The following RUFY3 variants were observed in gnomAD, a reference collection of about 807,000 sequenced individuals.
RUFY3 encodes the protein RUN and FYVE domain containing 3.
A neutral mutation model predicts 84.0 loss-of-function variants in RUFY3; 34 were observed. The ratio of observed to expected loss-of-function variants is 0.40; its 90% CI spans 0.31 to 0.54. RUFY3 has a LOEUF of 0.54. Ranked by LOEUF, RUFY3 falls within the 20% of genes least tolerant of loss-of-function variation. RUFY3 has a pLI of 0.39. For synonymous variants in RUFY3, 242 were observed against 252.9 expected (o/e 0.96, Z 0.41); for missense variants, 507 against 736.8 (o/e 0.69, Z 3.61).
chr4:70,713,275 A>G (rs1741194884), intron 1 of RUFY3, among the ~76,000 whole-genome samples: 2 of 152,178 alleles, frequency 1.3e-5, no homozygotes, highest in African/African-American at 4.8e-5. Flanking sequence ...CGCCCGCCCC[A>G]ACCTCCCAAA....
chr4:70,789,010 TA>T lies in RUFY3; in HGVS notation c.1239+41del, dbSNP rs1317864424. On this transcript the variant is annotated intron_variant, in intron 11 of 17. Coordinates refer to ENST00000381006, the MANE Select transcript of RUFY3 (RefSeq NM_001037442.4). ...ATGAGGAATAGACTCACTGGCTCTC[TA>T]AAATCCTGGGGCTTCCCTCCTCCCA... 5 of 1,599,156 alleles carry T rather than the reference TA, an allele frequency of 3.1e-6. No homozygotes were observed. In the Admixed American group the frequency reaches 8.4e-5, roughly 27 times the overall value.
chr4:70,791,729 G>A, intron 12 of RUFY3: 1 of 995,224 alleles, frequency 1.0e-6, no homozygotes, highest in Non-Finnish European at 1.2e-6. Flanking sequence ...TGAACCTAGA[G>A]GTAACTACCA....
intron 1 of RUFY3, among the ~76,000 whole-genome samples, chr4:70,716,113 CA>C (rs918121487): frequency 1.4e-3 from 187 of 136,738 alleles, no homozygotes; most frequent in Admixed American, 1.5e-3. Flanking sequence ...GACTCCATCT[CA>C]AAAAAAAAAA....
Position 70,793,713 on chromosome 4 carries a change from T to C in RUFY3, c.1338-72T>C, listed in dbSNP as rs1482302389. 3 of 1,610,900 alleles carry C rather than the reference T, an allele frequency of 1.9e-6. No individual in the cohort carries two copies. The Admixed American group carries it at 5.0e-5, about 27-fold the overall frequency. ...TTCTTCCTTGGGTTATTTTATTTTG[T>C]GTTGTGAACTTGGTCTTCTTCCCCA... is the stretch of plus-strand genomic sequence containing the variant. On this transcript the variant is annotated intron_variant, in intron 12 of 17. Coordinates refer to ENST00000381006, the MANE Select transcript of RUFY3 (RefSeq NM_001037442.4).
At chr4:70,775,412 C>A (rs1391747784) in intron 7 of RUFY3, among the ~76,000 whole-genome samples, 179 bp downstream of exon 7, 1 of 151,188 alleles carries the variant, frequency 6.6e-6, no homozygotes, top group African/African-American at 2.4e-5. Context: ...GTTTTGGTGA[C>A]CTTTAGTGAA....
chr4:70,788,161 C>T (rs553479824), intron 10 of RUFY3, among the ~76,000 whole-genome samples: 1 of 151,692 alleles, frequency 6.6e-6, no homozygotes, highest in South Asian at 2.1e-4. Flanking sequence ...GGCATGCACC[C>T]GTAGTCCCAG....
At chr4:70,758,152 CAG>C (rs1173121036) in intron 1 of RUFY3, among the ~76,000 whole-genome samples, 1 of 152,168 alleles carries the variant, frequency 6.6e-6, no homozygotes, top group Non-Finnish European at 1.5e-5. Flanking sequence ...TACCAACAAA[CAG>C]AAATTCACCT....
At chr4:70,741,813 T>A in intron 1 of RUFY3, 2 of 601,412 alleles carry the variant, frequency 3.3e-6, no homozygotes, top group Non-Finnish European at 5.1e-6. Flanking sequence ...GTGGAAATCT[T>A]AATGTTTTGG....
intron 1 of RUFY3, among the ~76,000 whole-genome samples, chr4:70,746,060 T>C (rs1041194205): frequency 2.7e-5 from 4 of 150,364 alleles, no homozygotes; most frequent in African/African-American, 9.8e-5. Context: ...AACAAAAAAA[T>C]TGGCGGGGCG....
intron 2 of RUFY3, among the ~76,000 whole-genome samples, 193 bp downstream of exon 2, chr4:70,762,885 A>G (rs1725267738): frequency 6.6e-6 from 1 of 152,206 alleles, no homozygotes; most frequent in South Asian, 2.1e-4. Flanking sequence ...AAAAATACAG[A>G]TCATTAAATG....
intron 1 of RUFY3, chr4:70,741,811 C>A (rs936140964): frequency 9.9e-6 from 6 of 608,650 alleles, no homozygotes; most frequent in African/African-American, 1.9e-5. Flanking sequence ...AAGTGGAAAT[C>A]TTAATGTTTT....
chr4:70,800,162 G>A lies in RUFY3; in HGVS notation c.1579G>A (p.Glu527Lys), dbSNP rs757329190. The A allele has an allele frequency of 8.7e-6, 14 of 1,607,258 alleles. No homozygotes were observed. The highest frequency in any genetic ancestry group is 1.2e-5 in the Non-Finnish European group (14 of 1,178,378). ...SKMDGKHKMQEENVKLKKPLE... is the reference protein window; with the variant it reads ...SKMDGKHKMQKENVKLKKPLE... Reference sequence around the variant, plus strand: ...GCAGGATGGGAAGCACAAAATGCAAGAGGAAAATGTTAAACTAAAAAAGCC... The same window carrying A: ...GCAGGATGGGAAGCACAAAATGCAAAAGGAAAATGTTAAACTAAAAAAGCC... Residue 527 changes from glutamate to lysine, a missense_variant, in exon 15 of 18, where the codon GAG becomes AAG. By Grantham distance (56) the Glu-to-Lys change is moderately conservative. Transcript: ENST00000381006.
At chr4:70,764,431 C>G (rs1328270294) in intron 3 of RUFY3, 44 bp from the exon 4 acceptor site, 2 of 1,321,488 alleles carry the variant, frequency 1.5e-6, no homozygotes, top group Non-Finnish European at 2.2e-6. Flanking sequence ...GCCTTTGCTT[C>G]TGGTGCTTAT....
Position 70,806,572 on chromosome 4 carries a change from G to A in RUFY3, c.1776G>A (p.Leu592=), listed in dbSNP as rs150714162. The A allele has an allele frequency of 4.5e-4, 728 of 1,614,158 alleles. 18 individuals are homozygous for A. The highest frequency in any genetic ancestry group is 3.9e-3 in the South Asian group (356 of 91,088). The change falls in exon 18 of 18, where the codon CTG becomes CTA. Residue 592 remains leucine, a synonymous_variant. Transcript: ENST00000381006. ...GTGATGCCTGTTCAACAAATGAACT[G>A]CCTCTTCCTTCAAGTATCAAGCTTG... The part of the protein sequence containing the change: ...TFCDACSTNE[L]PLPSSIKLER...
chr4:70,716,172 GTCTC>G (rs200796079), intron 1 of RUFY3, among the ~76,000 whole-genome samples: 1 of 151,932 alleles, frequency 6.6e-6, no homozygotes, highest in African/African-American at 2.4e-5. Context: ...TTGAGACGGA[GTCTC>G]TCTCTCTTGC....
chr4:70,756,019 A>G (rs1723957486), intron 1 of RUFY3, among the ~76,000 whole-genome samples: 1 of 151,998 alleles, frequency 6.6e-6, no homozygotes, highest in South Asian at 2.1e-4. Flanking sequence ...TATTTTAACT[A>G]TAGTCACTTC....
At chr4:70,800,049 A>T (rs937376902) in intron 14 of RUFY3, 92 bp from the exon 15 acceptor site, 1 of 1,195,138 alleles carries the variant, frequency 8.4e-7, no homozygotes, top group African/African-American at 1.6e-5. Flanking sequence ...TTAGCTTTAT[A>T]CCCAAACTAA....
intron 1 of RUFY3, among the ~76,000 whole-genome samples, chr4:70,742,102 C>CT (rs76641379): frequency 0.21 from 32,677 of 152,096 alleles, 7,837 homozygotes; most frequent in African/African-American, 0.59. Flanking sequence ...ACATTACACA[C>CT]TTAAGCTTTG....
chr4:70,787,441 G>C (rs2148789836), intron 10 of RUFY3, among the ~76,000 whole-genome samples: 1 of 151,396 alleles, frequency 6.6e-6, no homozygotes, highest in South Asian at 2.1e-4. Context: ...TATTTTAGTA[G>C]AGATGGGGTT....
Sources: allele counts gnomAD v4.1 joint callset (sites outside exome capture counted in the v4.1 genomes callset), GRCh38; gene constraint gnomAD v4.1.1; transcripts MANE v1.5; gene names NCBI Gene and HGNC (gene_info 2026-07-23, HGNC 2026-07-21).